The following MICU1 variants were observed in gnomAD, a reference collection of about 807,000 sequenced individuals.
MICU1 encodes the protein mitochondrial calcium uptake 1.
MICU1 carries 45 observed loss-of-function variants against 56.8 expected under a neutral mutation model. The ratio of observed to expected loss-of-function variants is 0.79; its 90% CI spans 0.62 to 1.02. The LOEUF (loss-of-function observed/expected upper bound fraction) is 1.02. MICU1 is among the 50% of genes least tolerant of loss of function. The pLI is 0.00. For missense variants in MICU1, 504 were observed against 587.1 expected (o/e 0.86, Z 1.46); for synonymous variants, 186 against 195.1 (o/e 0.95, Z 0.39).
At chr10:72,510,824 G>C (rs1302940566) in intron 5 of MICU1, among the ~76,000 whole-genome samples, 1 of 152,054 alleles carries the variant, frequency 6.6e-6, no homozygotes, top group Non-Finnish European at 1.5e-5. Flanking sequence ...GTAGAGACGG[G>C]TTTTGCCATG....
chr10:72,391,107 C>A (rs185570286), intron 10 of MICU1, among the ~76,000 whole-genome samples: 27 of 152,172 alleles, frequency 1.8e-4, no homozygotes, highest in African/African-American at 6.3e-4. Context: ...GTAGGTTCCA[C>A]ACCCATGGAT....
chr10:72,411,900 C>T (rs1863827721), intron 9 of MICU1, among the ~76,000 whole-genome samples: 2 of 152,094 alleles, frequency 1.3e-5, no homozygotes, highest in Non-Finnish European at 2.9e-5. Flanking sequence ...TTTGGTGATT[C>T]AGAAAAACAG....
intron 5 of MICU1, chr10:72,533,255 T>G (rs966127439): frequency 1.4e-6 from 1 of 697,740 alleles, no homozygotes; most frequent in Non-Finnish European, 2.0e-6. Context: ...ATATTATTTA[T>G]TCAGGTATAA....
At chr10:72,431,094 G>GTCTGTCTATCTATCTATCTATCTATCTA (rs1554867912) in intron 8 of MICU1, among the ~76,000 whole-genome samples, 4 of 141,316 alleles carry the variant, frequency 2.8e-5, no homozygotes, top group African/African-American at 8.2e-5. Context: ...TTATCTGTCT[G>GTCTGTCTATCTATCTATCTATCTATCTA]TCTATCTATC....
chr10:72,383,668 A>G (rs1862795030), intron 10 of MICU1, among the ~76,000 whole-genome samples: 1 of 152,106 alleles, frequency 6.6e-6, no homozygotes, highest in Non-Finnish European at 1.5e-5. Context: ...TTAAAAAATT[A>G]TTTCCTTTGT....
chr10:72,621,056 C>T (rs895130973), intron 1 of MICU1, among the ~76,000 whole-genome samples: 1 of 151,558 alleles, frequency 6.6e-6, no homozygotes, highest in South Asian at 2.1e-4. Context: ...GACCCCGTTT[C>T]TACAGAAAAA....
chr10:72,592,786 T>TC (rs1193093208), intron 1 of MICU1, among the ~76,000 whole-genome samples: 1 of 150,246 alleles, frequency 6.7e-6, no homozygotes, highest in African/African-American at 2.4e-5. Flanking sequence ...TTTCTTTCTT[T>TC]TTTTTTTTTT....
At chr10:72,399,318 CG>C (rs544418233) in intron 10 of MICU1, among the ~76,000 whole-genome samples, 243 of 138,756 alleles carry the variant, frequency 1.8e-3, no homozygotes, top group African/African-American at 6.3e-3. Flanking sequence ...GTTGCAGGGT[CG>C]GGGGCTGGGG....
intron 8 of MICU1, among the ~76,000 whole-genome samples, chr10:72,451,854 CATTAGTTAG>C: frequency 6.6e-6 from 1 of 151,504 alleles, no homozygotes; most frequent in Admixed American, 6.6e-5. Flanking sequence ...AAGATATTAA[CATTAGTTAG>C]ATATTTTCTT....
intron 1 of MICU1, among the ~76,000 whole-genome samples, chr10:72,591,806 T>C (rs1274991078): frequency 6.6e-6 from 1 of 151,900 alleles, no homozygotes; most frequent in African/African-American, 2.4e-5. Context: ...GCAGATCACT[T>C]GAGCACACCA....
intron 1 of MICU1, among the ~76,000 whole-genome samples, chr10:72,597,993 T>C (rs889758939): frequency 2.6e-5 from 4 of 152,208 alleles, no homozygotes; most frequent in African/African-American, 9.7e-5. Flanking sequence ...TCTGTAGTTA[T>C]GTACCAATCT....
At chr10:72,375,233 T>C (rs1862479095) in intron 11 of MICU1, among the ~76,000 whole-genome samples, 3 of 152,110 alleles carry the variant, frequency 2.0e-5, no homozygotes, top group Admixed American at 1.3e-4. Context: ...TAAGCATCCG[T>C]TGTTATTGTT....
At chr10:72,433,976 T>A (rs1341981247) in intron 8 of MICU1, among the ~76,000 whole-genome samples, 1 of 152,196 alleles carries the variant, frequency 6.6e-6, no homozygotes, top group East Asian at 1.9e-4. Context: ...GAATTTGGAA[T>A]AGAATGGGGG....
chr10:72,547,306 T>C (rs1839920470), intron 4 of MICU1, among the ~76,000 whole-genome samples: 1 of 152,136 alleles, frequency 6.6e-6, no homozygotes, highest in Admixed American at 6.5e-5. Flanking sequence ...CCCAAAGTGC[T>C]AGGATTGCAG....
chr10:72,510,916 G>A (rs1427639251), intron 5 of MICU1, among the ~76,000 whole-genome samples: 3 of 152,196 alleles, frequency 2.0e-5, no homozygotes, highest in Non-Finnish European at 2.9e-5. Flanking sequence ...ACAGATGTAA[G>A]CCACTGCGAC....
In MICU1 at chr10:72,533,821, C is replaced by T. The variant is rs748094060; in HGVS notation, c.494-32G>A. ...AAGAAAAGGAAAAAACATTTAGCTA[C>T]TGATAATAACTCAAGTGAAATTTAT... On this transcript the variant is annotated intron_variant, in intron 4 of 11. Coordinates refer to ENST00000361114, the MANE Select transcript of MICU1 (RefSeq NM_001195518.2). 2.8e-6 allele frequency: 4 copies of T among 1,444,226 alleles called. No individual in the cohort carries two copies. The African/African-American group carries it at 5.7e-5, about 21-fold the overall frequency. The allele number at this position is 1,444,226 out of a possible 1,614,324, so 89.5% of individuals were successfully genotyped here. A position where few individuals can be genotyped will look rare whatever the true frequency, so the allele number is the denominator to read the frequency against.
intron 4 of MICU1, 120 bp downstream of exon 4, chr10:72,551,059 G>T: frequency 1.0e-6 from 1 of 978,146 alleles, no homozygotes; most frequent in Non-Finnish European, 1.4e-6. Context: ...ATATTCAATA[G>T]ACACACTGTT....
At chr10:72,616,236 G>A (rs567290044) in intron 1 of MICU1, among the ~76,000 whole-genome samples, 1 of 152,108 alleles carries the variant, frequency 6.6e-6, no homozygotes, top group Non-Finnish European at 1.5e-5. Flanking sequence ...GTGCTTTCTT[G>A]TATTCCTATA....
At chr10:72,547,690 G>A (rs914804579) in intron 4 of MICU1, among the ~76,000 whole-genome samples, 2 of 152,072 alleles carry the variant, frequency 1.3e-5, no homozygotes, top group Non-Finnish European at 2.9e-5. Flanking sequence ...GAAGCACAAA[G>A]GATAGAGAAA....
Sources: allele counts gnomAD v4.1 joint callset (sites outside exome capture counted in the v4.1 genomes callset), GRCh38; gene constraint gnomAD v4.1.1; transcripts MANE v1.5; gene names NCBI Gene and HGNC (gene_info 2026-07-23, HGNC 2026-07-21).